Variants in KIT observed in about 807,000 individuals in gnomAD.
The protein encoded by KIT is KIT proto-oncogene, receptor tyrosine kinase.
In KIT, 16 loss-of-function variants were observed where a neutral mutation model predicts 105.7. The observed-to-expected ratio is 0.15, with a 90% CI of 0.10 to 0.23. The LOEUF is 0.23. Among genes scored for constraint, KIT ranks in the 10% least tolerant of loss-of-function variants. The pLI is 1.00. For missense variants in KIT, 858 were observed against 1,213.8 expected (o/e 0.71, Z 4.36); for synonymous variants, 438 against 441.1 (o/e 0.99, Z 0.09).
rs2109820411 is a variant in KIT, at chr4:54,738,649, C to A, written c.*92C>A. The A allele has an allele frequency of 6.6e-7, 1 of 1,516,410 alleles. No individual in the cohort carries two copies. Among genetic ancestry groups the A allele is most frequent in the South Asian group, 1.1e-5 (1 of 89,248 alleles). 93.9% of individuals were successfully genotyped at this position (1,516,410 alleles called of 1,614,324 possible). On this transcript the variant is annotated 3_prime_UTR_variant, in exon 21 of 21. Coordinates refer to ENST00000288135, the MANE Select transcript of KIT (RefSeq NM_000222.3). ...TTCTTTTCTTTCAACTTGCATCCAA[C>A]TCCAGGATAGTGGGCACCCCACTGC...
chr4:54,691,397 A>G (rs1719695714), intron 1 of KIT, among the ~76,000 whole-genome samples: 1 of 152,110 alleles, frequency 6.6e-6, no homozygotes, highest in Admixed American at 6.5e-5. Flanking sequence ...AGGACAGGTT[A>G]TCGCAACATG....
chr4:54,675,911 G>C (rs1718431155), intron 1 of KIT, among the ~76,000 whole-genome samples: 3 of 152,220 alleles, frequency 2.0e-5, no homozygotes, highest in South Asian at 2.1e-4. Context: ...CACTATTCTG[G>C]AGTCCCGTAG....
chr4:54,716,239 A>G (rs936476407), intron 7 of KIT, among the ~76,000 whole-genome samples: 5 of 152,032 alleles, frequency 3.3e-5, no homozygotes, highest in Non-Finnish European at 7.4e-5. Flanking sequence ...GCCGAATAGA[A>G]CTCCTTTCTG....
Position 54,669,705 on chromosome 4 carries a change from G to GA in KIT, c.67+11639dup, listed in dbSNP as rs10603436. Among the ~76,000 whole-genome samples the GA allele has an allele frequency of 2.0e-3, 267 of 132,736 alleles. 2 individuals carry two copies. The highest frequency in any genetic ancestry group is 9.1e-3 in the East Asian group (38 of 4,168). 87.1% of individuals were successfully genotyped at this position (132,736 alleles called of 152,430 possible). A position where few individuals can be genotyped will look rare whatever the true frequency, so the allele number is the denominator to read the frequency against. Reference sequence around the variant, plus strand: ...GAGAAAAGTCCAGGAGTCCAGAAAGGAAAAAAAAAAAAAAAGAAAGATGTA... The same window carrying GA: ...GAGAAAAGTCCAGGAGTCCAGAAAGGAAAAAAAAAAAAAAAAGAAAGATGTA... On this transcript the variant is annotated intron_variant, in intron 1 of 20. Transcript: ENST00000288135.
chr4:54,674,543 C>T (rs1042035349), intron 1 of KIT, among the ~76,000 whole-genome samples: 2 of 152,134 alleles, frequency 1.3e-5, no homozygotes, highest in African/African-American at 4.8e-5. Flanking sequence ...CCACCATCTT[C>T]CCAGAATCTA....
At chr4:54,716,251 T>G (rs1721491071) in intron 7 of KIT, among the ~76,000 whole-genome samples, 1 of 152,238 alleles carries the variant, frequency 6.6e-6, no homozygotes, top group Non-Finnish European at 1.5e-5. Context: ...TCCTTTCTGA[T>G]TTATTTACTT....
rs182661355 is a variant in KIT, at chr4:54,665,587, G to A, written c.67+7506G>A. 6.6e-5 allele frequency among the ~76,000 whole-genome samples: 10 copies of A among 152,294 alleles called. No homozygotes were observed. In the East Asian group the frequency reaches 1.7e-3, roughly 26 times the overall value. On this transcript the variant is annotated intron_variant, in intron 1 of 20. Coordinates refer to ENST00000288135, the MANE Select transcript of KIT (RefSeq NM_000222.3). ...CACCTTCTGTGTGTCAGGCACTGAT[G>A]AGATTGAGGGGAAGGAGAACTGGAA...
chr4:54,662,198 G>T (rs186969793), intron 1 of KIT, among the ~76,000 whole-genome samples: 425 of 152,274 alleles, frequency 2.8e-3, no homozygotes, highest in Admixed American at 5.4e-3. Context: ...CCTGGTGAGT[G>T]CAGGAATCCA....
At chr4:54,723,943 A>G (rs1299800218) in intron 8 of KIT, among the ~76,000 whole-genome samples, 1 of 152,172 alleles carries the variant, frequency 6.6e-6, no homozygotes, top group Non-Finnish European at 1.5e-5. Context: ...TGGATTTATC[A>G]TGCAATTTCT....
chr4:54,736,503 A>G lies in KIT; in HGVS notation c.2490A>G (p.Arg830=). The G allele has an allele frequency of 6.2e-7, 1 of 1,609,492 alleles. No individual in the cohort carries two copies. Among genetic ancestry groups the G allele is most frequent in the Non-Finnish European group, 8.5e-7 (1 of 1,175,792 alleles). The part of the protein sequence containing the change: ...DSNYVVKGNA[R]LPVKWMAPES... ...CTGTTGTGCTTCTATTACAGGCTCG[A>G]CTACCTGTGAAGTGGATGGCACCTG... The change falls in exon 18 of 21, where the codon CGA becomes CGG. Residue 830 remains arginine (R), a synonymous_variant. Transcript: ENST00000288135.
chr4:54,678,259 C>T (rs1718625802), intron 1 of KIT, among the ~76,000 whole-genome samples: 1 of 151,796 alleles, frequency 6.6e-6, no homozygotes, highest in Non-Finnish European at 1.5e-5. Context: ...CATTTTTCTT[C>T]ATAGCTTCAA....
At chr4:54,720,204 AT>A (rs1721777303) in intron 7 of KIT, among the ~76,000 whole-genome samples, 1 of 151,824 alleles carries the variant, frequency 6.6e-6, no homozygotes, top group African/African-American at 2.4e-5. Context: ...AGGAATGTGC[AT>A]TTATTCTCTT....
At chr4:54,728,959 A>G (rs569117663) in intron 13 of KIT, among the ~76,000 whole-genome samples, 1 of 152,268 alleles carries the variant, frequency 6.6e-6, no homozygotes, top group Non-Finnish European at 1.5e-5. Flanking sequence ...CATTATTTCC[A>G]TAATAACGTT....
At chr4:54,722,818 TA>T (rs1158103128) in intron 7 of KIT, among the ~76,000 whole-genome samples, 93 of 4,424 alleles carry the variant, frequency 0.021, no homozygotes, top group African/African-American at 0.067. Flanking sequence ...TATATATTTA[TA>T]TATATATATG....
chr4:54,663,505 CA>C (rs1434349067), intron 1 of KIT, among the ~76,000 whole-genome samples: 1 of 151,748 alleles, frequency 6.6e-6, no homozygotes, highest in Admixed American at 6.6e-5. Context: ...AACGTGTAAA[CA>C]GAATATGTAG....
chr4:54,720,625 C>G (rs1039208952), intron 7 of KIT, among the ~76,000 whole-genome samples: 5 of 152,130 alleles, frequency 3.3e-5, no homozygotes, highest in Non-Finnish European at 7.4e-5. Context: ...ACCTTACTAC[C>G]CAGAGATAAC....
intron 1 of KIT, among the ~76,000 whole-genome samples, chr4:54,664,109 G>A (rs1348347746): frequency 6.6e-6 from 1 of 152,158 alleles, no homozygotes; most frequent in Non-Finnish European, 1.5e-5. Flanking sequence ...ATCAGTAAGA[G>A]CATCCACATA....
At chr4:54,665,656 A>G (rs904004229) in intron 1 of KIT, among the ~76,000 whole-genome samples, 2 of 152,092 alleles carry the variant, frequency 1.3e-5, no homozygotes, top group Non-Finnish European at 2.9e-5. Flanking sequence ...GATACTATGG[A>G]ATTAGTGGAA....
rs994083032 is a variant in KIT at position 54,672,721 on chromosome 4, T to C, written c.67+14640T>C. ...CAATTATATACTCTGCTGTCTCCCTTGTTACCATCATTTAGTCTTAGCTCT... is the reference window on the plus strand; with the variant it reads ...CAATTATATACTCTGCTGTCTCCCTCGTTACCATCATTTAGTCTTAGCTCT... On this transcript the variant is annotated intron_variant, in intron 1 of 20. Transcript: ENST00000288135. 2.0e-5 allele frequency among the ~76,000 whole-genome samples: 3 copies of C among 152,222 alleles called. No individual in the cohort carries two copies. The East Asian group carries it at 5.8e-4, about 29-fold the overall frequency.
Sources: allele counts gnomAD v4.1 joint callset (sites outside exome capture counted in the v4.1 genomes callset), GRCh38; gene constraint gnomAD v4.1.1; transcripts MANE v1.5; gene names NCBI Gene and HGNC (gene_info 2026-07-23, HGNC 2026-07-21).